The following PALS2 variants were observed in gnomAD, a reference collection of about 807,000 sequenced individuals.
The protein encoded by PALS2 is protein associated with LIN7 2, MAGUK p55 family member.
Under a neutral mutation model 61.6 loss-of-function variants are expected in PALS2, and 27 were observed. The observed-to-expected ratio is 0.44, with a 90% CI of 0.32 to 0.60. The LOEUF is 0.60. PALS2 is among the 20% of genes least tolerant of loss of function. PALS2 has a pLI of 0.05. For missense variants in PALS2, 554 were observed against 639.4 expected (o/e 0.87, Z 1.44); for synonymous variants, 236 against 218.6 (o/e 1.08, Z -0.70).
intron 3 of PALS2, among the ~76,000 whole-genome samples, chr7:24,642,786 A>G (rs187302602): frequency 6.6e-6 from 1 of 152,312 alleles, no homozygotes; most frequent in Admixed American, 6.5e-5. Flanking sequence ...ATATGGACAC[A>G]TATCTCAGAG....
chr7:24,633,964 C>A lies in PALS2; in HGVS notation c.118-7752C>A, dbSNP rs180841810. On this transcript the variant is annotated intron_variant, in intron 2 of 11. Coordinates refer to ENST00000222644, the MANE Select transcript of PALS2 (RefSeq NM_001303037.2). ...TTATTGTGGTTTTGATTTGTGTTTC[C>A]CTGGAGACTAATGATATTGAGCATC... 3.0e-4 allele frequency among the ~76,000 whole-genome samples: 45 copies of A among 152,064 alleles called. 1 individual carries two copies. The South Asian group carries it at 3.1e-3, about 11-fold the overall frequency.
rs75516020 is a variant in PALS2, at chr7:24,590,335, T to C, written c.-3+16742T>C. On this transcript the variant is annotated intron_variant, in intron 1 of 11. Coordinates refer to ENST00000222644, the MANE Select transcript of PALS2 (RefSeq NM_001303037.2). ...AATTGTGTGCTCTTGCTTCGCTGGG[T>C]TTTATTGGAGGAAATTCTGTGCAGC... is the stretch of plus-strand genomic sequence containing the variant. Among the ~76,000 whole-genome samples the C allele has an allele frequency of 7.5e-3, 1,149 of 152,198 alleles. 31 individuals are homozygous for C. The East Asian group carries it at 0.09, about 12-fold the overall frequency.
chr7:24,661,127 A>G (rs1033779114), intron 5 of PALS2, among the ~76,000 whole-genome samples: 2 of 152,190 alleles, frequency 1.3e-5, no homozygotes, highest in African/African-American at 2.4e-5. Flanking sequence ...TCCATAGCCT[A>G]TAAGTGCAAC....
At chr7:24,647,529 A>G (rs541009406) in intron 3 of PALS2, among the ~76,000 whole-genome samples, 2 of 152,100 alleles carry the variant, frequency 1.3e-5, no homozygotes, top group African/African-American at 4.8e-5. Context: ...TTCTCATCTT[A>G]TTCTAGCTTT....
chr7:24,619,432 T>A (rs1242402483), intron 1 of PALS2, among the ~76,000 whole-genome samples: 1 of 152,044 alleles, frequency 6.6e-6, no homozygotes, highest in Admixed American at 6.5e-5. Flanking sequence ...AGAATCCCAT[T>A]TATGGCTGGG....
intron 5 of PALS2, among the ~76,000 whole-genome samples, chr7:24,652,067 T>C (rs1451564971): frequency 6.6e-6 from 1 of 152,228 alleles, no homozygotes; most frequent in African/African-American, 2.4e-5. Flanking sequence ...ATATCACTAG[T>C]ACCTCTCAGG....
intron 1 of PALS2, among the ~76,000 whole-genome samples, chr7:24,591,315 A>G (rs891306549): frequency 3.3e-5 from 5 of 152,136 alleles, no homozygotes; most frequent in African/African-American, 1.2e-4. Flanking sequence ...CAGGGTCAGG[A>G]ATGGAGGATG....
intron 1 of PALS2, among the ~76,000 whole-genome samples, chr7:24,578,166 C>T (rs569941343): frequency 6.6e-6 from 1 of 152,264 alleles, no homozygotes; most frequent in Admixed American, 6.5e-5. Context: ...GCCCAGGCTG[C>T]TCTCAAACTC....
intron 11 of PALS2, among the ~76,000 whole-genome samples, chr7:24,683,228 A>C (rs1401459295): frequency 2.0e-5 from 3 of 152,206 alleles, no homozygotes; most frequent in African/African-American, 2.4e-5. Context: ...CTTAAGAAGA[A>C]CTTTTCCTCA....
At chr7:24,579,050 T>G (rs920289023) in intron 1 of PALS2, among the ~76,000 whole-genome samples, 1 of 151,976 alleles carries the variant, frequency 6.6e-6, no homozygotes, top group Non-Finnish European at 1.5e-5. Context: ...TAAATAAGAG[T>G]CTAACTTCCT....
At chr7:24,621,121 T>C (rs1227876840) in intron 1 of PALS2, among the ~76,000 whole-genome samples, 2 of 152,172 alleles carry the variant, frequency 1.3e-5, no homozygotes, top group Non-Finnish European at 2.9e-5. Context: ...GCAAAATTAC[T>C]AAGTAGCTTA....
At chr7:24,663,140 C>G (rs1048328195) in intron 5 of PALS2, among the ~76,000 whole-genome samples, 1 of 152,156 alleles carries the variant, frequency 6.6e-6, no homozygotes, top group East Asian at 1.9e-4. Flanking sequence ...ACTTCAACAT[C>G]AACTTTTATT....
In PALS2 at chr7:24,623,693, C is replaced by T. The variant is rs781197516; in HGVS notation, c.26C>T (p.Thr9Met). 1.4e-5 allele frequency: 23 copies of T among 1,599,250 alleles called. No homozygotes were observed. The highest frequency in any genetic ancestry group is 3.4e-5 in the South Asian group (3 of 88,056). ...ATGCAGCAAGTCTTGGAAAACCTTACGGAGCTGCCCTCGTCTACTGGAGCA... is the reference window on the plus strand; with the variant it reads ...ATGCAGCAAGTCTTGGAAAACCTTATGGAGCTGCCCTCGTCTACTGGAGCA... MQQVLENL[T>M]ELPSSTGAEE... Residue 9 changes from threonine to methionine, a missense_variant, in exon 2 of 12, where the codon ACG (threonine) becomes ATG (methionine). Thr to Met is a moderately conservative substitution (Grantham distance 81). Coordinates refer to ENST00000222644, the MANE Select transcript of PALS2 (RefSeq NM_001303037.2).
At chr7:24,614,422 G>A (rs556984841) in intron 1 of PALS2, among the ~76,000 whole-genome samples, 1 of 151,560 alleles carries the variant, frequency 6.6e-6, no homozygotes, top group Admixed American at 6.6e-5. Context: ...TTTCTTTATT[G>A]TAAGATCATG....
chr7:24,677,175 C>G (rs571832433), intron 9 of PALS2, among the ~76,000 whole-genome samples: 204 of 151,588 alleles, frequency 1.3e-3, no homozygotes, highest in Non-Finnish European at 2.3e-3. Context: ...GGCTCTCTGT[C>G]TGTTGTTGGT....
chr7:24,692,290 G>A lies in PALS2; in HGVS notation c.*4676G>A, dbSNP rs767220249. 5.3e-5 allele frequency: 8 copies of A among 152,142 alleles called. No individual in the cohort carries two copies. The highest frequency in any genetic ancestry group is 3.4e-3 in the Middle Eastern group (1 of 294). 9.4% of individuals were successfully genotyped at this position (152,142 alleles called of 1,614,324 possible). On this transcript the variant is annotated 3_prime_UTR_variant, in exon 12 of 12. Transcript: ENST00000222644. ...TCTCTAGTGATAAAAGTAAAGACAG[G>A]GTACTGGCCAAGATCCTAATTCTGA...
intron 1 of PALS2, among the ~76,000 whole-genome samples, chr7:24,593,204 A>C (rs919511907): frequency 6.6e-6 from 1 of 151,996 alleles, no homozygotes. Context: ...GTAAAAACCA[A>C]CTCCTCTTCT....
intron 3 of PALS2, among the ~76,000 whole-genome samples, chr7:24,648,951 A>C (rs1785993729): frequency 6.6e-6 from 1 of 151,586 alleles, no homozygotes; most frequent in African/African-American, 2.4e-5. Context: ...GATCAAAACC[A>C]CCCATGCTGG....
chr7:24,575,816 C>G (rs928715387), intron 1 of PALS2, among the ~76,000 whole-genome samples: 13 of 152,088 alleles, frequency 8.5e-5, no homozygotes, highest in Admixed American at 5.2e-4. Flanking sequence ...GGTAAGAGGA[C>G]GCATTTATAC....
Sources: allele counts gnomAD v4.1 joint callset (sites outside exome capture counted in the v4.1 genomes callset), GRCh38; gene constraint gnomAD v4.1.1; transcripts MANE v1.5; gene names NCBI Gene and HGNC (gene_info 2026-07-23, HGNC 2026-07-21).